The following VPS16 variants were observed in gnomAD, a reference collection of about 807,000 sequenced individuals.
The protein encoded by VPS16 is VPS16 core subunit of CORVET and HOPS complexes.
Under a neutral mutation model 116.0 loss-of-function variants are expected in VPS16, and 82 were observed. The observed-to-expected ratio is 0.71, with a 90% CI of 0.59 to 0.85. VPS16 has a LOEUF of 0.85. VPS16 is among the 40% of genes least tolerant of loss of function. The probability of loss-of-function intolerance (pLI) is 0.00; values close to 1 mark genes in which losing one functional copy is unlikely to be tolerated. For missense variants in VPS16, 928 were observed against 1,090.6 expected, an observed-to-expected ratio of 0.85 and a Z score of 2.10; for synonymous variants, 406 against 420.7, an observed-to-expected ratio of 0.96 and a Z score of 0.43.
chr20:2,849,300 C>CT (rs11473184), intron 1 of VPS16, among the ~76,000 whole-genome samples: 36,922 of 133,626 alleles, frequency 0.28, 5,233 homozygotes, highest in East Asian at 0.36. Flanking sequence ...GAATAAGATT[C>CT]TTTTTTTTTT....
Position 2,848,782 on chromosome 20 carries a change from TGGTG to T in VPS16, c.53+7960_53+7963del, listed in dbSNP as rs1173724580. Among the ~76,000 whole-genome samples the T allele has an allele frequency of 3.3e-5, 5 of 152,268 alleles. No homozygotes were observed. The East Asian group carries it at 9.7e-4, about 29-fold the overall frequency. ...ATAGAGCATTCTGTAAATCCACAGA[TGGTG>T]GGTGCTGGAAAACACATTGCAGACA... On this transcript the variant is annotated intron_variant, in intron 1 of 23. Transcript: ENST00000380445.
chr20:2,864,851 G>A lies in VPS16; in HGVS notation c.1927-127G>A, dbSNP rs575334316. 5 of 1,296,832 alleles carry A rather than the reference G, an allele frequency of 3.9e-6. No homozygotes were observed. Among genetic ancestry groups the A allele is most frequent in the South Asian group, 3.7e-5 (3 of 80,112 alleles). 80.3% of individuals were successfully genotyped at this position (1,296,832 alleles called of 1,614,324 possible). Reference sequence around the variant, plus strand: ...CATCCCTCTAGGACATCAGAGTGGTGCACCTAGCAGGCAAGGCTGACCCTG... The same window carrying A: ...CATCCCTCTAGGACATCAGAGTGGTACACCTAGCAGGCAAGGCTGACCCTG... On this transcript the variant is annotated intron_variant, in intron 19 of 23. Coordinates refer to ENST00000380445, the MANE Select transcript of VPS16 (RefSeq NM_022575.4). This position sits in a 1 kb window ranked among gnomAD's most constrained non-coding sequence, Gnocchi z 5.2.
At chr20:2,841,379 C>T (rs961568373) in intron 1 of VPS16, among the ~76,000 whole-genome samples, 7 of 152,204 alleles carry the variant, frequency 4.6e-5, no homozygotes, top group Non-Finnish European at 1.0e-4. Context: ...AGGATTTTCC[C>T]ATAGCTTCCC....
intron 2 of VPS16, 69 bp downstream of exon 2, chr20:2,859,876 G>A: frequency 1.3e-6 from 2 of 1,543,192 alleles, no homozygotes; most frequent in Non-Finnish European, 1.8e-6. Flanking sequence ...GATTCCTGGG[G>A]CCCTGCTGTC....
intron 1 of VPS16, among the ~76,000 whole-genome samples, chr20:2,847,333 T>C (rs1338943463): frequency 6.6e-6 from 1 of 152,160 alleles, no homozygotes. Flanking sequence ...CTAGGGAGAC[T>C]TAAGTGGCCA....
intron 1 of VPS16, among the ~76,000 whole-genome samples, chr20:2,851,425 G>A (rs1209989784): frequency 2.0e-5 from 3 of 152,068 alleles, no homozygotes; most frequent in Admixed American, 6.6e-5. Context: ...CCTGACCAAC[G>A]TGGAGAAACC....
chr20:2,855,723 A>G (rs1388652670), intron 1 of VPS16, among the ~76,000 whole-genome samples: 1 of 152,216 alleles, frequency 6.6e-6, no homozygotes, highest in Non-Finnish European at 1.5e-5. Flanking sequence ...GTGCTTTTAC[A>G]TTACAGAGAT....
Position 2,862,744 on chromosome 20 carries a change from GC to G in VPS16, c.1203+35del, listed in dbSNP as rs757517571. 8 of 1,607,210 alleles carry G rather than the reference GC, an allele frequency of 5.0e-6. No individual in the cohort carries two copies. In the Admixed American group the frequency reaches 1.2e-4, roughly 24 times the overall value. The stretch of plus-strand genomic sequence containing the variant: ...GGATGGCCGGGCCGGGGAGGGTGGG[GC>G]TGGGAGGGGGTGGGATGGGCAGCAG... On this transcript the variant is annotated intron_variant, in intron 12 of 23. Transcript: ENST00000380445.
intron 1 of VPS16, among the ~76,000 whole-genome samples, chr20:2,856,942 T>A (rs184520898): frequency 6.6e-6 from 1 of 151,432 alleles, no homozygotes; most frequent in Admixed American, 6.6e-5. Context: ...TCAGATGATC[T>A]TTTTCCCCTA....
intron 8 of VPS16, 80 bp from the exon 9 acceptor site, chr20:2,861,535 G>A (rs879361801): frequency 5.3e-6 from 8 of 1,498,492 alleles, no homozygotes; most frequent in South Asian, 2.6e-5. Context: ...AGGCTGTCCC[G>A]AGACAAAGGA....
chr20:2,863,015 G>A lies in VPS16; in HGVS notation c.1332-50G>A, dbSNP rs188646625. ...GCTGGAGATGCGTCTGCAGGTACCT[G>A]GCAAGCGGGGCTTATTCTCCAACTG... On this transcript the variant is annotated intron_variant, in intron 13 of 23. Transcript: ENST00000380445. The surrounding 1 kb of genome is among the most constrained non-coding windows in gnomAD (Gnocchi z 4.4). 3 of 1,614,076 alleles carry A rather than the reference G, an allele frequency of 1.9e-6. No homozygotes were observed. The highest frequency in any genetic ancestry group is 1.7e-5 in the Admixed American group (1 of 60,022).
intron 9 of VPS16, 34 bp downstream of exon 9, chr20:2,861,738 G>A (rs367669639): frequency 1.2e-6 from 2 of 1,610,968 alleles, no homozygotes; most frequent in African/African-American, 2.7e-5. Context: ...TGTGGAGAGA[G>A]GGGAGGGGAG....
intron 1 of VPS16, 130 bp from the exon 2 acceptor site, chr20:2,859,589 G>A (rs1301306573): frequency 1.7e-5 from 18 of 1,059,662 alleles, no homozygotes; most frequent in Non-Finnish European, 2.4e-5. Context: ...CCTCCCTCTG[G>A]GGGTAGAGAG....
intron 1 of VPS16, among the ~76,000 whole-genome samples, chr20:2,853,407 C>CA (rs59314587): frequency 4.1e-4 from 61 of 148,064 alleles, no homozygotes; most frequent in African/African-American, 4.6e-4. Flanking sequence ...CAAACAACAA[C>CA]AAAAAAAAAA....
Position 2,866,330 on chromosome 20 carries a change from G to A in VPS16, c.2375+15G>A, listed in dbSNP as rs566886871. ...CTTCTTGTTGGGTGCGTCAACTGAG[G>A]GCCTGTGGGTGCTGGGTGGCTGAGC... On this transcript the variant is annotated intron_variant, in intron 23 of 23. Coordinates refer to ENST00000380445, the MANE Select transcript of VPS16 (RefSeq NM_022575.4). The A allele has an allele frequency of 1.1e-5, 17 of 1,614,122 alleles. No individual in the cohort carries two copies. The East Asian group carries it at 2.5e-4, about 23-fold the overall frequency.
At chr20:2,862,738 G>A (rs1321639031) in intron 12 of VPS16, 28 bp downstream of exon 12, 1 of 1,611,308 alleles carries the variant, frequency 6.2e-7, no homozygotes, top group African/African-American at 1.3e-5. Flanking sequence ...GGCCGGGGAG[G>A]GTGGGGCTGG....
Position 2,863,802 on chromosome 20 carries a change from A to C in VPS16, c.1477-147A>C. Reference sequence around the variant, plus strand: ...AGTGGCGGGGGCGGAGGAGGAGGGAAAGAGAGAGAAAGAAGAAAGAGAGAA... The same window carrying C: ...AGTGGCGGGGGCGGAGGAGGAGGGACAGAGAGAGAAAGAAGAAAGAGAGAA... On this transcript the variant is annotated intron_variant, in intron 15 of 23. Coordinates refer to ENST00000380445, the MANE Select transcript of VPS16 (RefSeq NM_022575.4). This position sits in a 1 kb window ranked among gnomAD's most constrained non-coding sequence, Gnocchi z 4.4. 4 of 1,156,734 alleles carry C rather than the reference A, an allele frequency of 3.5e-6. No individual in the cohort carries two copies. Among genetic ancestry groups the C allele is most frequent in the Non-Finnish European group, 4.7e-6 (4 of 843,028 alleles). 71.7% of individuals were successfully genotyped at this position (1,156,734 alleles called of 1,614,324 possible).
At chr20:2,854,081 G>T (rs2146655666) in intron 1 of VPS16, among the ~76,000 whole-genome samples, 1 of 152,220 alleles carries the variant, frequency 6.6e-6, no homozygotes, top group South Asian at 2.1e-4. Context: ...ATCCATCAGA[G>T]AAATTACTAG....
chr20:2,844,216 T>A (rs1210488850), intron 1 of VPS16, among the ~76,000 whole-genome samples: 1 of 152,244 alleles, frequency 6.6e-6, no homozygotes, highest in South Asian at 2.1e-4. Flanking sequence ...AGCAAGTACT[T>A]AGTTTTGTTC....
Sources: allele counts gnomAD v4.1 joint callset (sites outside exome capture counted in the v4.1 genomes callset), GRCh38; gene constraint gnomAD v4.1.1; non-coding constraint Gnocchi (gnomAD v3.1); transcripts MANE v1.5; gene names NCBI Gene and HGNC (gene_info 2026-07-23, HGNC 2026-07-21).